Variants in CCDC88C observed in about 807,000 individuals in gnomAD.
The protein encoded by CCDC88C is protein Daple.
Under a neutral mutation model 198.8 loss-of-function variants are expected in CCDC88C, and 131 were observed. That is an observed-to-expected ratio of 0.66 (90% CI 0.57 to 0.76). The LOEUF (loss-of-function observed/expected upper bound fraction) is 0.76. Ranked by LOEUF, CCDC88C falls within the 30% of genes least tolerant of loss-of-function variation. CCDC88C has a pLI of 0.00. For missense variants in CCDC88C, 2,553 were observed against 2,631.6 expected (o/e 0.97, Z 0.65); for synonymous variants, 1,166 against 1,114.7 (o/e 1.05, Z -0.92).
At position 91,273,701 on chromosome 14, in the gene CCDC88C, G is replaced by C; in HGVS notation, c.5059-48C>G. ...TGGAGGTGGGCATGAGGGTTGGGTG[G>C]GTCCTTGGAGCCGCCTCCTGCGCGG... On this transcript the variant is annotated intron_variant, in intron 29 of 29. Transcript: ENST00000389857. This position sits in a 1 kb window ranked among gnomAD's most constrained non-coding sequence, Gnocchi z 5.6. 7.1e-7 allele frequency: 1 copy of C among 1,398,712 alleles called. No individual in the cohort carries two copies. Among genetic ancestry groups the C allele is most frequent in the Non-Finnish European group, 9.4e-7 (1 of 1,068,188 alleles). 86.6% of individuals were successfully genotyped at this position (1,398,712 alleles called of 1,614,324 possible).
intron 3 of CCDC88C, among the ~76,000 whole-genome samples, chr14:91,376,671 A>G (rs1399769829): frequency 6.6e-6 from 1 of 152,222 alleles, no homozygotes; most frequent in Non-Finnish European, 1.5e-5. Flanking sequence ...GAGATGCGGA[A>G]GAGTGGCTGG....
At chr14:91,342,906 T>G (rs1893367459) in intron 5 of CCDC88C, among the ~76,000 whole-genome samples, 1 of 152,208 alleles carries the variant, frequency 6.6e-6, no homozygotes, top group Non-Finnish European at 1.5e-5. Context: ...TCTGTCGCTG[T>G]AGTGGCAAAC....
chr14:91,305,695 T>C (rs867006159), intron 19 of CCDC88C, 70 bp downstream of exon 19: 8 of 1,482,776 alleles, frequency 5.4e-6, no homozygotes, highest in Middle Eastern at 4.3e-4. Flanking sequence ...ATGCCCCCAG[T>C]TGGTCCCCAG....
intron 13 of CCDC88C, among the ~76,000 whole-genome samples, chr14:91,319,643 C>A (rs1343946735): frequency 6.6e-6 from 1 of 152,190 alleles, no homozygotes; most frequent in Non-Finnish European, 1.5e-5. Context: ...TATAACAGTG[C>A]CCTGCTCTCT....
Position 91,325,052 on chromosome 14 carries a change from C to A in CCDC88C, c.1198-129G>T. ...ATGTACTGGCTCACTTCCAAATAAACAGAGCTGCACAGAAACATCCCAACA... is the reference window on the plus strand; with the variant it reads ...ATGTACTGGCTCACTTCCAAATAAAAAGAGCTGCACAGAAACATCCCAACA... On this transcript the variant is annotated intron_variant, in intron 11 of 29. Transcript: ENST00000389857. The surrounding 1 kb of genome is among the most constrained non-coding windows in gnomAD (Gnocchi z 4.1). 2.6e-6 allele frequency: 3 copies of A among 1,167,492 alleles called. No individual in the cohort carries two copies. Among genetic ancestry groups the A allele is most frequent in the Non-Finnish European group, 3.6e-6 (3 of 823,012 alleles). The allele number at this position is 1,167,492 out of a possible 1,614,324, so 72.3% of individuals were successfully genotyped here. A position where few individuals can be genotyped will look rare whatever the true frequency, so the allele number is the denominator to read the frequency against.
At position 91,316,456 on chromosome 14, in the gene CCDC88C, CTT is replaced by C. The variant is rs531506179; in HGVS notation, c.1528-671_1528-670del. 7.1e-3 allele frequency among the ~76,000 whole-genome samples: 1,074 copies of C among 150,746 alleles called. 10 individuals carry two copies. The highest frequency in any genetic ancestry group is 0.025 in the African/African-American group (1,020 of 40,928). On this transcript the variant is annotated intron_variant, in intron 13 of 29. Transcript: ENST00000389857. ...TTTTTTTTTGAGATGGAGTTTTGCT[CTT>C]GTCGCCCAGGATGGAGTACAATGGC...
intron 3 of CCDC88C, among the ~76,000 whole-genome samples, chr14:91,392,752 C>T (rs1885585329): frequency 6.6e-6 from 1 of 151,446 alleles, no homozygotes; most frequent in Admixed American, 6.6e-5. Flanking sequence ...TCACCACGCC[C>T]CTCACTCTCA....
intron 3 of CCDC88C, among the ~76,000 whole-genome samples, chr14:91,362,613 A>G (rs1351260839): frequency 6.6e-6 from 1 of 152,192 alleles, no homozygotes; most frequent in East Asian, 1.9e-4. Flanking sequence ...CCCACAAGAA[A>G]CATGTGTCAT....
chr14:91,326,636 C>T (rs367993668), intron 10 of CCDC88C, among the ~76,000 whole-genome samples: 8 of 152,314 alleles, frequency 5.3e-5, no homozygotes, highest in South Asian at 2.1e-4. Context: ...CTCATCTGGA[C>T]GGACAAGGGG....
intron 13 of CCDC88C, among the ~76,000 whole-genome samples, chr14:91,320,653 G>A (rs1892316828): frequency 6.6e-6 from 1 of 152,232 alleles, no homozygotes; most frequent in African/African-American, 2.4e-5. Context: ...TTAGGCTGCA[G>A]GGTCTGTAGT....
rs1442140384 is a variant in CCDC88C at position 91,371,937 on chromosome 14, G to A, written c.271-12226C>T. ...GCAGCCCAGACCACCCCAGCCTGCT[G>A]GGACCTGTGAGGGTGGGAAAGGCAG... is the stretch of plus-strand genomic sequence containing the variant. On this transcript the variant is annotated intron_variant, in intron 3 of 29. Coordinates refer to ENST00000389857, the MANE Select transcript of CCDC88C (RefSeq NM_001080414.4). The surrounding 1 kb of genome is among the most constrained non-coding windows in gnomAD (Gnocchi z 4.2). 1.3e-5 allele frequency among the ~76,000 whole-genome samples: 2 copies of A among 152,212 alleles called. No individual in the cohort carries two copies. The highest frequency in any genetic ancestry group is 2.1e-4 in the South Asian group (1 of 4,834).
chr14:91,305,579 GC>G (rs1891520034), intron 19 of CCDC88C, among the ~76,000 whole-genome samples, 185 bp downstream of exon 19: 1 of 152,152 alleles, frequency 6.6e-6, no homozygotes, highest in African/African-American at 2.4e-5. Context: ...ACTGAAAATG[GC>G]TTAAAAACTA....
intron 29 of CCDC88C, among the ~76,000 whole-genome samples, chr14:91,275,121 G>A (rs1049003665): frequency 3.9e-5 from 6 of 152,202 alleles, no homozygotes; most frequent in Admixed American, 6.5e-5. Context: ...CAGGAGGGAA[G>A]TCAGGTGTGT....
Position 91,305,746 on chromosome 14 carries a change from T to A in CCDC88C, c.3357+19A>T. On this transcript the variant is annotated intron_variant, in intron 19 of 29. Coordinates refer to ENST00000389857, the MANE Select transcript of CCDC88C (RefSeq NM_001080414.4). ...ATCCCGCCAGGCTTGTGACCACTGGTGTTGGGAGCCCCGCTCACCTGCAGC... is the reference window on the plus strand; with the variant it reads ...ATCCCGCCAGGCTTGTGACCACTGGAGTTGGGAGCCCCGCTCACCTGCAGC... 6.3e-7 allele frequency: 1 copy of A among 1,591,122 alleles called. No homozygotes were observed. The highest frequency in any genetic ancestry group is 8.6e-7 in the Non-Finnish European group (1 of 1,161,578).
chr14:91,401,236 T>TA (rs377499332), intron 3 of CCDC88C, among the ~76,000 whole-genome samples: 2 of 117,802 alleles, frequency 1.7e-5, no homozygotes, highest in Admixed American at 1.9e-4. Context: ...ATATATATAT[T>TA]TATATATTAT....
At chr14:91,280,135 T>G (rs1347327741) in intron 27 of CCDC88C, among the ~76,000 whole-genome samples, 1 of 152,216 alleles carries the variant, frequency 6.6e-6, no homozygotes, top group South Asian at 2.1e-4. Flanking sequence ...CAAACATGTC[T>G]ACGCTGCTGT....
At chr14:91,323,240 C>A (rs930034396) in intron 12 of CCDC88C, among the ~76,000 whole-genome samples, 14 of 152,184 alleles carry the variant, frequency 9.2e-5, no homozygotes, top group Middle Eastern at 3.4e-3. Context: ...CTCGTCAGCA[C>A]CCCCCAGCAA....
chr14:91,313,424 C>A lies in CCDC88C; in HGVS notation c.2392G>T (p.Ala798Ser). The change falls in exon 15 of 30, where the codon GCG (alanine) becomes TCG (serine). Residue 798 changes from alanine to serine, a missense_variant. Ala to Ser is a moderately conservative substitution (Grantham distance 99). This residue lies in a region of CCDC88C where 1,260 missense variants were observed against 1,412.0 expected (regional missense o/e 0.89). Coordinates refer to ENST00000389857, the MANE Select transcript of CCDC88C (RefSeq NM_001080414.4). The surrounding 1 kb of genome is among the most constrained non-coding windows in gnomAD (Gnocchi z 5.2). ...AGGGCCTCCAGGTCCCGCCGCAGCG[C>A]CTGGCGCTCAGCCTCCAGCTCGCCC... Reference protein sequence around the residue: ...ELGELEAERQALRRDLEALRL... With the variant: ...ELGELEAERQSLRRDLEALRL... The A allele has an allele frequency of 6.2e-7, 1 of 1,607,398 alleles. No homozygotes were observed. Among genetic ancestry groups the A allele is most frequent in the Non-Finnish European group, 8.5e-7 (1 of 1,179,610 alleles).
chr14:91,281,736 C>T (rs1890207519), intron 26 of CCDC88C, among the ~76,000 whole-genome samples: 1 of 152,136 alleles, frequency 6.6e-6, no homozygotes, highest in South Asian at 2.1e-4. Context: ...TTCCCATCCC[C>T]TTTAAATCAC....
Sources: gnomAD v4.1 joint callset for allele counts (sites outside exome capture counted in the v4.1 genomes callset) on GRCh38, gnomAD v4.1.1 for gene constraint, gnomAD v4.1.1 regional missense constraint, Gnocchi (gnomAD v3.1) non-coding constraint, MANE v1.5 for transcripts, NCBI Gene and HGNC (gene_info 2026-07-23, HGNC 2026-07-21) for gene names.